Variants in EIPR1 observed in about 807,000 individuals in gnomAD.
EIPR1 encodes the protein EARP and GARP complex-interacting protein 1.
Under a neutral mutation model 48.1 loss-of-function variants are expected in EIPR1, and 25 were observed. That is an observed-to-expected ratio of 0.52 (90% CI 0.38 to 0.73). The LOEUF (loss-of-function observed/expected upper bound fraction) is 0.73. Ranked by LOEUF, EIPR1 falls within the 30% of genes least tolerant of loss-of-function variation. EIPR1 has a pLI of 0.00. For missense variants in EIPR1, 415 were observed against 506.2 expected (o/e 0.82, Z 1.73); for synonymous variants, 204 against 201.9 (o/e 1.01, Z -0.09).
At chr2:3,246,162 T>C (rs1869417) in intron 4 of EIPR1, among the ~76,000 whole-genome samples, 87,276 of 152,032 alleles carry the variant, frequency 0.57, 25,410 homozygotes, top group East Asian at 0.75. Flanking sequence ...CTCTCCTTAA[T>C]AGCAGAATCA....
intron 4 of EIPR1, among the ~76,000 whole-genome samples, chr2:3,238,342 G>A (rs975227323): frequency 1.3e-5 from 2 of 152,154 alleles, no homozygotes; most frequent in Non-Finnish European, 2.9e-5. Flanking sequence ...GGCCTCTCTT[G>A]TCTCCCTCCA....
chr2:3,302,028 A>G (rs1668776200), intron 3 of EIPR1, among the ~76,000 whole-genome samples: 1 of 152,234 alleles, frequency 6.6e-6, no homozygotes, highest in Non-Finnish European at 1.5e-5. Context: ...AGAAGCTCAC[A>G]GGACTCTTTT....
At chr2:3,367,429 G>A (rs1671001545) in intron 1 of EIPR1, among the ~76,000 whole-genome samples, 1 of 152,182 alleles carries the variant, frequency 6.6e-6, no homozygotes, top group African/African-American at 2.4e-5. Context: ...CCACACCTTA[G>A]GAGCAGGCAA....
chr2:3,347,371 T>C (rs1440611185), intron 2 of EIPR1, among the ~76,000 whole-genome samples: 2 of 152,174 alleles, frequency 1.3e-5, no homozygotes, highest in Non-Finnish European at 1.5e-5. Context: ...TGGGGGCAGT[T>C]CTTTCCCATG....
At chr2:3,218,544 C>T (rs1009293895) in intron 4 of EIPR1, among the ~76,000 whole-genome samples, 1 of 148,704 alleles carries the variant, frequency 6.7e-6, no homozygotes, top group Non-Finnish European at 1.5e-5. Flanking sequence ...GCACACTCAA[C>T]ACGACCCTGG....
intron 2 of EIPR1, among the ~76,000 whole-genome samples, chr2:3,351,210 A>G (rs568608569): frequency 2.9e-4 from 44 of 152,324 alleles, no homozygotes; most frequent in Non-Finnish European, 5.6e-4. Flanking sequence ...CATGTTGGCC[A>G]GGCTGGTCTT....
intron 4 of EIPR1, among the ~76,000 whole-genome samples, chr2:3,247,630 T>C (rs1020040768): frequency 6.6e-6 from 1 of 152,170 alleles, no homozygotes; most frequent in African/African-American, 2.4e-5. Flanking sequence ...CTGGGAAGCA[T>C]TAGAGGATGT....
intron 1 of EIPR1, among the ~76,000 whole-genome samples, chr2:3,357,603 C>T (rs1191766145): frequency 6.6e-6 from 1 of 152,200 alleles, no homozygotes; most frequent in African/African-American, 2.4e-5. Flanking sequence ...AAGGCAAATG[C>T]CAGCCTGTAA....
Position 3,189,273 on chromosome 2 carries a change from G to GT in EIPR1, c.*60dup. ...GAGTCACCTCCAAAGAGCTGCGACT[G>GT]TTTGAGAATCTGCCAAGAGGAAAAC... On this transcript the variant is annotated 3_prime_UTR_variant, in exon 9 of 9. Coordinates refer to ENST00000382125, the MANE Select transcript of EIPR1 (RefSeq NM_003310.5). The surrounding 1 kb of genome is among the most constrained non-coding windows in gnomAD (Gnocchi z 4.6). 6.9e-7 allele frequency: 1 copy of GT among 1,449,416 alleles called. No individual in the cohort carries two copies. The highest frequency in any genetic ancestry group is 9.2e-7 in the Non-Finnish European group (1 of 1,083,990). 89.8% of individuals were successfully genotyped at this position (1,449,416 alleles called of 1,614,324 possible).
chr2:3,338,843 CA>C (rs1433238034), intron 2 of EIPR1, among the ~76,000 whole-genome samples: 1 of 152,110 alleles, frequency 6.6e-6, no homozygotes, highest in Non-Finnish European at 1.5e-5. Flanking sequence ...AATGATTTCA[CA>C]TTTAATTTCT....
intron 4 of EIPR1, among the ~76,000 whole-genome samples, chr2:3,246,630 G>A (rs1200821020): frequency 1.3e-5 from 2 of 151,942 alleles, no homozygotes; most frequent in Non-Finnish European, 2.9e-5. Context: ...GCAGGTGACG[G>A]GCACTTGGAC....
intron 4 of EIPR1, among the ~76,000 whole-genome samples, chr2:3,215,091 C>T (rs751952063): frequency 2.6e-5 from 4 of 152,296 alleles, no homozygotes; most frequent in South Asian, 2.1e-4. Context: ...TTCATGTTGA[C>T]GCCGCCCAGC....
chr2:3,201,337 TGGCGGA>T (rs1665027634), intron 5 of EIPR1, among the ~76,000 whole-genome samples: 1 of 152,042 alleles, frequency 6.6e-6, no homozygotes, highest in African/African-American at 2.4e-5. Flanking sequence ...CAATCAACCA[TGGCGGA>T]GGGGGGATGT....
chr2:3,358,626 C>T (rs1670787939), intron 1 of EIPR1, among the ~76,000 whole-genome samples: 2 of 152,214 alleles, frequency 1.3e-5, no homozygotes, highest in Non-Finnish European at 2.9e-5. Context: ...CAAAAAGGTG[C>T]ATATATGCAC....
intron 3 of EIPR1, among the ~76,000 whole-genome samples, chr2:3,259,049 T>C (rs1667248496): frequency 6.6e-6 from 1 of 150,948 alleles, no homozygotes; most frequent in Non-Finnish European, 1.5e-5. Context: ...CAATTTGGAG[T>C]AGGAAAGAAA....
intron 4 of EIPR1, among the ~76,000 whole-genome samples, chr2:3,218,572 AC>A (rs1207587831): frequency 1.4e-5 from 2 of 148,090 alleles, no homozygotes; most frequent in Non-Finnish European, 3.0e-5. Flanking sequence ...TAGAGCTTTC[AC>A]AGTGAGTCAG....
chr2:3,198,585 G>A (rs976206747), intron 5 of EIPR1, among the ~76,000 whole-genome samples: 1 of 152,176 alleles, frequency 6.6e-6, no homozygotes, highest in Admixed American at 6.5e-5. Context: ...TATTTTCCCT[G>A]TGTCGGTCGG....
At chr2:3,373,938 A>G (rs1659783632) in intron 1 of EIPR1, among the ~76,000 whole-genome samples, 1 of 151,414 alleles carries the variant, frequency 6.6e-6, no homozygotes, top group Non-Finnish European at 1.5e-5. Context: ...CTAAGCCAAA[A>G]GAACAAAGCT....
At chr2:3,376,095 C>T (rs937441938) in intron 1 of EIPR1, among the ~76,000 whole-genome samples, 1 of 151,606 alleles carries the variant, frequency 6.6e-6, no homozygotes, top group Non-Finnish European at 1.5e-5. Context: ...GGCAACATGG[C>T]GAAACCCCAT....
Sources: allele counts gnomAD v4.1 joint callset (sites outside exome capture counted in the v4.1 genomes callset), GRCh38; gene constraint gnomAD v4.1.1; non-coding constraint Gnocchi (gnomAD v3.1); transcripts MANE v1.5; gene names NCBI Gene and HGNC (gene_info 2026-07-23, HGNC 2026-07-21).